Variants in CNTN5 observed in about 807,000 individuals in gnomAD.
The protein encoded by CNTN5 is contactin 5.
In CNTN5, 77 loss-of-function variants were observed where a neutral mutation model predicts 129.1. The ratio of observed to expected loss-of-function variants is 0.60; its 90% confidence interval spans 0.50 to 0.72. The LOEUF is 0.72. Among genes scored for constraint, CNTN5 ranks in the 30% least tolerant of loss-of-function variants. The pLI is 0.00. For missense variants in CNTN5, 1,478 were observed against 1,328.8 expected, an observed-to-expected ratio of 1.11 and a Z score of -1.75; for synonymous variants, 509 against 465.6, an observed-to-expected ratio of 1.09 and a Z score of -1.20.
chr11:100,267,417 T>G (rs1401029701), intron 17 of CNTN5, among the ~76,000 whole-genome samples: 1 of 151,966 alleles, frequency 6.6e-6, no homozygotes, highest in African/African-American at 2.4e-5. Context: ...TGCAACCACA[T>G]TAGGGGTTAG....
At chr11:99,724,895 C>G (rs1943287712) in intron 3 of CNTN5, among the ~76,000 whole-genome samples, 1 of 152,102 alleles carries the variant, frequency 6.6e-6, no homozygotes, top group Non-Finnish European at 1.5e-5. Context: ...ATGTAAAGGA[C>G]TCAGTAAGGC....
intron 6 of CNTN5, among the ~76,000 whole-genome samples, chr11:99,901,536 G>T (rs562677706): frequency 1.3e-5 from 2 of 152,100 alleles, no homozygotes; most frequent in South Asian, 4.2e-4. Context: ...CAAGTGACCT[G>T]CCCACTTTGG....
At chr11:99,674,487 T>G (rs1481190151) in intron 3 of CNTN5, among the ~76,000 whole-genome samples, 1 of 152,136 alleles carries the variant, frequency 6.6e-6, no homozygotes, top group South Asian at 2.1e-4. Context: ...CTTCTGTTTG[T>G]TTTTTATTTT....
At chr11:100,168,042 A>C (rs1169416840) in intron 13 of CNTN5, among the ~76,000 whole-genome samples, 2 of 151,916 alleles carry the variant, frequency 1.3e-5, no homozygotes, top group Non-Finnish European at 2.9e-5. Flanking sequence ...TCTAGAGCAG[A>C]GCCTTAATCC....
chr11:99,206,004 C>CAA (rs1859461041), intron 1 of CNTN5, among the ~76,000 whole-genome samples: 1 of 152,050 alleles, frequency 6.6e-6, no homozygotes, highest in Admixed American at 6.6e-5. Flanking sequence ...TCTGTGAGGG[C>CAA]AAAGTGGCTT....
At chr11:99,639,165 C>T (rs1951674270) in intron 3 of CNTN5, among the ~76,000 whole-genome samples, 1 of 152,258 alleles carries the variant, frequency 6.6e-6, no homozygotes, top group African/African-American at 2.4e-5. Context: ...TTGGGGCTTC[C>T]ACCCTCTGAA....
intron 1 of CNTN5, among the ~76,000 whole-genome samples, chr11:99,241,333 T>TTTTTTTTG: frequency 6.7e-6 from 1 of 149,770 alleles, no homozygotes; most frequent in African/African-American, 2.5e-5. Context: ...TTTTTTTTTT[T>TTTTTTTTG]TTTTTTGATT....
chr11:100,256,210 C>T (rs1565376062), intron 17 of CNTN5, among the ~76,000 whole-genome samples: 1 of 152,166 alleles, frequency 6.6e-6, no homozygotes, highest in African/African-American at 2.4e-5. Context: ...TGTGGACCCA[C>T]TCCCCAGCTT....
intron 1 of CNTN5, among the ~76,000 whole-genome samples, chr11:99,110,193 C>T (rs1174215539): frequency 6.6e-6 from 1 of 151,762 alleles, no homozygotes; most frequent in Admixed American, 6.6e-5. Flanking sequence ...ATGGGGTTGT[C>T]AAGGAGAAAG....
chr11:99,440,673 CT>C (rs144979211), intron 2 of CNTN5, among the ~76,000 whole-genome samples: 3,317 of 150,136 alleles, frequency 0.022, 96 homozygotes, highest in East Asian at 0.093. Flanking sequence ...TCTTACATAA[CT>C]TTTTTTTTTC....
At chr11:99,813,717 T>G (rs994481571) in intron 3 of CNTN5, among the ~76,000 whole-genome samples, 1 of 151,928 alleles carries the variant, frequency 6.6e-6, no homozygotes, top group African/African-American at 2.4e-5. Flanking sequence ...AAGTTTCCAG[T>G]GAAATAGGGA....
intron 7 of CNTN5, among the ~76,000 whole-genome samples, chr11:99,929,647 A>G (rs1471492830): frequency 6.6e-6 from 1 of 152,188 alleles, no homozygotes; most frequent in Non-Finnish European, 1.5e-5. Flanking sequence ...TAAAACCATC[A>G]GATCTTGTGA....
At chr11:99,975,855 A>G (rs536726836) in intron 8 of CNTN5, among the ~76,000 whole-genome samples, 6 of 152,146 alleles carry the variant, frequency 3.9e-5, no homozygotes, top group African/African-American at 1.4e-4. Flanking sequence ...TTCAAAACCA[A>G]TCTTGCTTTC....
At chr11:100,344,691 C>A (rs946404685) in intron 23 of CNTN5, among the ~76,000 whole-genome samples, 1 of 152,026 alleles carries the variant, frequency 6.6e-6, no homozygotes, top group Non-Finnish European at 1.5e-5. Flanking sequence ...TAATGGATAA[C>A]CCAATTACCC....
chr11:99,239,297 G>C (rs1441708910), intron 1 of CNTN5, among the ~76,000 whole-genome samples: 2 of 152,146 alleles, frequency 1.3e-5, no homozygotes, highest in African/African-American at 4.8e-5. Context: ...AACTGAAATA[G>C]TTTTAAATTA....
intron 1 of CNTN5, among the ~76,000 whole-genome samples, chr11:99,088,392 T>A (rs1044376150): frequency 2.6e-5 from 4 of 152,264 alleles, no homozygotes; most frequent in Admixed American, 6.5e-5. Context: ...ATTTTTTCCT[T>A]CGGCCTTGAG....
At chr11:99,852,469 A>G (rs1011611502) in intron 6 of CNTN5, among the ~76,000 whole-genome samples, 1 of 152,222 alleles carries the variant, frequency 6.6e-6, no homozygotes, top group Non-Finnish European at 1.5e-5. Context: ...GAGCCAAGAT[A>G]CCCAGCCTAA....
intron 3 of CNTN5, among the ~76,000 whole-genome samples, chr11:99,622,549 A>G (rs1285093684): frequency 6.6e-6 from 1 of 152,128 alleles, no homozygotes; most frequent in Non-Finnish European, 1.5e-5. Flanking sequence ...CAGGTACTTT[A>G]TATTGCTCTT....
At chr11:100,302,590 G>A (rs532630897) in intron 20 of CNTN5, among the ~76,000 whole-genome samples, 1 of 151,536 alleles carries the variant, frequency 6.6e-6, no homozygotes, top group East Asian at 2.0e-4. Context: ...CTGTGAAAAA[G>A]CCACCTTTTC....
Sources: allele counts gnomAD v4.1 joint callset (sites outside exome capture counted in the v4.1 genomes callset), GRCh38; gene constraint gnomAD v4.1.1; transcripts MANE v1.5; gene names NCBI Gene and HGNC (gene_info 2026-07-23, HGNC 2026-07-21).